The following MGST1 variants were observed in gnomAD, a reference collection of about 807,000 sequenced individuals.
MGST1 encodes microsomal glutathione S-transferase 1, also known as glutathione S-transferase 12.
Under a neutral mutation model 8.9 loss-of-function variants are expected in MGST1, and 5 were observed. The ratio of observed to expected loss-of-function variants is 0.56; its 90% CI spans 0.29 to 1.19. MGST1 has a LOEUF of 1.19. Ranked by LOEUF, MGST1 falls within the 50% of genes most tolerant of loss-of-function variation. The probability of loss-of-function intolerance (pLI) is 0.08; values close to 1 mark genes in which losing one functional copy is unlikely to be tolerated. For missense variants in MGST1, 182 were observed against 187.4 expected (o/e 0.97, Z 0.17); for synonymous variants, 54 against 67.8 (o/e 0.80, Z 1.00).
intron 4 of MGST1, among the ~76,000 whole-genome samples, chr12:16,566,921 C>A (rs1942637893): frequency 6.6e-6 from 1 of 152,104 alleles, no homozygotes; most frequent in South Asian, 2.1e-4. Flanking sequence ...AAAAAACTAC[C>A]AAAAGCCCAT....
rs1943001685 is a variant in MGST1, at chr12:16,576,571, T to C, written n.483-12957T>C. ...TCATATACTACTTCATCTTTCAGAA[T>C]CTGTATCAGTTACGTACCTGTTTGT... is the stretch of plus-strand genomic sequence containing the variant. On this transcript the variant is annotated intron_variant and non_coding_transcript_variant, in intron 4 of 4. Transcript: ENST00000538857. The surrounding 1 kb of genome is among the most constrained non-coding windows in gnomAD (Gnocchi z 4.1). Among the ~76,000 whole-genome samples, 1 of 152,216 alleles carries C rather than the reference T, an allele frequency of 6.6e-6. No homozygotes were observed.
Position 16,361,454 on chromosome 12 carries a change from T to C in MGST1, c.222-2341T>C, listed in dbSNP as rs558427791. Among the ~76,000 whole-genome samples the C allele has an allele frequency of 6.6e-6, 1 of 152,230 alleles. No individual in the cohort carries two copies. The highest frequency in any genetic ancestry group is 2.1e-4 in the South Asian group (1 of 4,826). On this transcript the variant is annotated intron_variant, in intron 3 of 3. Coordinates refer to ENST00000396210, the MANE Select transcript of MGST1 (RefSeq NM_020300.5). The surrounding 1 kb of genome is among the most constrained non-coding windows in gnomAD (Gnocchi z 4.2). ...GAGAAAGAAGAATGGGAAAATGTAA[T>C]CATGGGGAAGAAGGGTAATAGACCC...
intron 4 of MGST1, among the ~76,000 whole-genome samples, chr12:16,474,228 T>C (rs1285487392): frequency 2.0e-5 from 3 of 152,176 alleles, no homozygotes; most frequent in Non-Finnish European, 4.4e-5. Context: ...ATTTAAACAT[T>C]CCATACCCAA....
At chr12:16,460,749 CAG>C (rs1941212672) in intron 4 of MGST1, among the ~76,000 whole-genome samples, 1 of 151,922 alleles carries the variant, frequency 6.6e-6, no homozygotes, top group African/African-American at 2.4e-5. Context: ...TTTTTAAAAA[CAG>C]GTAGTTATTG....
In MGST1 at chr12:16,513,912, A is replaced by G; in HGVS notation, n.483-75616A>G. The G allele has an allele frequency of 1.7e-6, 1 of 590,082 alleles. No individual in the cohort carries two copies. The highest frequency in any genetic ancestry group is 3.3e-6 in the Non-Finnish European group (1 of 305,412). 36.6% of individuals were successfully genotyped at this position (590,082 alleles called of 1,614,324 possible). A position where few individuals can be genotyped will look rare whatever the true frequency, so the allele number is the denominator to read the frequency against. On this transcript the variant is annotated intron_variant and non_coding_transcript_variant, in intron 4 of 4. Coordinates refer to the MGST1 transcript ENST00000538857. This position sits in a 1 kb window ranked among gnomAD's most constrained non-coding sequence, Gnocchi z 4.2. ...TCAGGGATACTGGCATGCAGCTACA[A>G]GGTTATCGATACTATGACCGCAAGA...
intron 4 of MGST1, among the ~76,000 whole-genome samples, chr12:16,493,722 C>G (rs1941453614): frequency 6.6e-6 from 1 of 152,112 alleles, no homozygotes; most frequent in Non-Finnish European, 1.5e-5. Flanking sequence ...TAGCCCCATA[C>G]CAACCTAGCC....
intron 4 of MGST1, among the ~76,000 whole-genome samples, chr12:16,465,828 C>T (rs2137129505): frequency 6.6e-6 from 1 of 152,246 alleles, no homozygotes; most frequent in South Asian, 2.1e-4. Flanking sequence ...GTCCCTGGTG[C>T]CAAAACCCTT....
In MGST1 at chr12:16,582,715, C is replaced by A. The variant is rs1166941700; in HGVS notation, n.483-6813C>A. On this transcript the variant is annotated intron_variant and non_coding_transcript_variant, in intron 4 of 4. Transcript: ENST00000538857. The surrounding 1 kb of genome is among the most constrained non-coding windows in gnomAD (Gnocchi z 4.1). ...CACCGTTCCTAGGTACGGTCCCTCA[C>A]TCTTTTAAGTATCTGATTGGGATGA... is the stretch of plus-strand genomic sequence containing the variant. Among the ~76,000 whole-genome samples, 1 of 152,118 alleles carries A rather than the reference C, an allele frequency of 6.6e-6. No homozygotes were observed. Among genetic ancestry groups the A allele is most frequent in the Non-Finnish European group, 1.5e-5 (1 of 68,028 alleles).
At chr12:16,415,656 CA>C (rs1940781899) in intron 1 of MGST1, among the ~76,000 whole-genome samples, 1 of 152,196 alleles carries the variant, frequency 6.6e-6, no homozygotes, top group Admixed American at 6.5e-5. Context: ...GTGTATAACA[CA>C]AAAAATATGT....
chr12:16,375,918 A>T (rs1940372065), intron 3 of MGST1, among the ~76,000 whole-genome samples: 1 of 151,986 alleles, frequency 6.6e-6, no homozygotes. Context: ...AGACTAAATG[A>T]ATACGCTCCC....
At chr12:16,417,328 G>A (rs1290160859) in intron 1 of MGST1, among the ~76,000 whole-genome samples, 1 of 152,106 alleles carries the variant, frequency 6.6e-6, no homozygotes, top group Non-Finnish European at 1.5e-5. Flanking sequence ...ATTATCATGA[G>A]AGCAGCATGG....
At chr12:16,388,978 A>C (rs1315929492) in intron 1 of MGST1, among the ~76,000 whole-genome samples, 1 of 152,232 alleles carries the variant, frequency 6.6e-6, no homozygotes, top group African/African-American at 2.4e-5. Context: ...GATCCCAGGA[A>C]GCAACAGCAA....
chr12:16,459,687 T>A (rs1941204574), intron 4 of MGST1, among the ~76,000 whole-genome samples: 1 of 152,068 alleles, frequency 6.6e-6, no homozygotes, highest in African/African-American at 2.4e-5. Context: ...GTAGAGAATC[T>A]TATCTTGATC....
At chr12:16,370,216 T>C (rs895548024) in intron 3 of MGST1, 10 of 152,176 alleles carry the variant, frequency 6.6e-5, no homozygotes, top group African/African-American at 2.4e-4. Context: ...AAAAACACAA[T>C]ACAGGGTTTG....
chr12:16,365,552 G>T (rs9332953), downstream of MGST1, among the ~76,000 whole-genome samples: 4,230 of 152,258 alleles, frequency 0.028, 161 homozygotes, highest in African/African-American at 0.089. Context: ...TTAGACAATT[G>T]ACTACGTAGA....
intron 3 of MGST1, chr12:16,360,511 A>G (rs190803223): frequency 5.9e-4 from 144 of 243,764 alleles, no homozygotes; most frequent in African/African-American, 3.1e-3. Context: ...AAAGACAGAA[A>G]CCAGTGATGG....
chr12:16,551,209 T>C, intron 4 of MGST1: 1 of 1,472,914 alleles, frequency 6.8e-7, no homozygotes, highest in Non-Finnish European at 9.5e-7. Context: ...CTTAATGGGG[T>C]GATGTTGATA....
intron 1 of MGST1, among the ~76,000 whole-genome samples, chr12:16,409,141 T>C (rs1940719686): frequency 6.6e-6 from 1 of 152,176 alleles, no homozygotes; most frequent in Non-Finnish European, 1.5e-5. Context: ...TTTTTCTTTC[T>C]GATTTTTGTT....
intron 4 of MGST1, among the ~76,000 whole-genome samples, chr12:16,464,083 A>T (rs928736824): frequency 6.6e-6 from 1 of 152,216 alleles, no homozygotes; most frequent in Admixed American, 6.5e-5. Context: ...TGACTGTTAT[A>T]CTTCATCTGT....
Sources: allele counts gnomAD v4.1 joint callset (sites outside exome capture counted in the v4.1 genomes callset), GRCh38; gene constraint gnomAD v4.1.1; non-coding constraint Gnocchi (gnomAD v3.1); transcripts MANE v1.5; gene names NCBI Gene and HGNC (gene_info 2026-07-23, HGNC 2026-07-21).